RP1: variants seen among roughly 807,000 people sequenced by gnomAD.
The protein encoded by RP1 is oxygen-regulated protein 1.
RP1 carries 16 observed loss-of-function variants against 14.8 expected under a neutral mutation model. The observed-to-expected ratio is 1.08, with a 90% confidence interval of 0.73 to 1.65. The LOEUF is 1.65. Among genes scored for constraint, RP1 ranks in the 40% most tolerant of loss-of-function variants. RP1 has a pLI of 0.00. For synonymous variants in RP1, 876 were observed against 883.6 expected (o/e 0.99, Z 0.15); for missense variants, 2,631 against 2,535.0 (o/e 1.04, Z -0.81).
intron 17 of RP1, among the ~76,000 whole-genome samples, chr8:54,727,594 T>C (rs1458509105): frequency 6.6e-6 from 1 of 152,148 alleles, no homozygotes; most frequent in African/African-American, 2.4e-5. Flanking sequence ...GGATTTTTTT[T>C]ACTGAGGCTG....
intron 25 of RP1, among the ~76,000 whole-genome samples, chr8:54,852,384 T>A (rs540794110): frequency 3.1e-4 from 47 of 152,238 alleles, no homozygotes; most frequent in South Asian, 1.7e-3. Flanking sequence ...AATAGCTGAG[T>A]CTGTATGAAT....
exon 17 of RP1, chr8:54,726,448 T>G (rs887933528): frequency 2.0e-6 from 3 of 1,534,690 alleles, no homozygotes; most frequent in Middle Eastern, 1.7e-4. Context: ...AATCTGAGGC[T>G]AGGAGTCCCT....
chr8:54,610,893 C>T (rs921562119), intron 1 of RP1, among the ~76,000 whole-genome samples: 17 of 152,198 alleles, frequency 1.1e-4, no homozygotes, highest in African/African-American at 4.1e-4. Flanking sequence ...ACTTGAAGGA[C>T]TTCCTGTAAC....
At chr8:54,667,727 C>T (rs1211873062) in intron 7 of RP1, among the ~76,000 whole-genome samples, 1 of 152,022 alleles carries the variant, frequency 6.6e-6, no homozygotes, top group Non-Finnish European at 1.5e-5. Context: ...TTTGGTACGT[C>T]CATGGAAGAA....
chr8:54,742,409 G>A (rs1415755737), intron 19 of RP1, among the ~76,000 whole-genome samples: 1 of 152,116 alleles, frequency 6.6e-6, no homozygotes, highest in Non-Finnish European at 1.5e-5. Context: ...AAGTAATTGA[G>A]AAAAATGTTA....
intron 24 of RP1, among the ~76,000 whole-genome samples, chr8:54,802,089 C>T (rs1020171376): frequency 5.9e-5 from 9 of 152,174 alleles, no homozygotes; most frequent in Non-Finnish European, 1.3e-4. Flanking sequence ...TGTATAAAGG[C>T]TCAGTAACCC....
At chr8:54,731,174 A>G (rs775712166) in intron 17 of RP1, among the ~76,000 whole-genome samples, 3 of 152,202 alleles carry the variant, frequency 2.0e-5, no homozygotes, top group Non-Finnish European at 2.9e-5. Flanking sequence ...TTCTACAAGT[A>G]ATTTATTTTT....
At chr8:54,656,291 C>T (rs1196625557) in intron 6 of RP1, 2 of 1,414,080 alleles carry the variant, frequency 1.4e-6, no homozygotes, top group African/African-American at 2.9e-5. Context: ...AACCAATAAA[C>T]ACATGTTGAG....
intron 24 of RP1, among the ~76,000 whole-genome samples, chr8:54,793,727 A>G (rs1281526151): frequency 1.3e-5 from 2 of 151,976 alleles, no homozygotes; most frequent in African/African-American, 4.8e-5. Context: ...ATTATACTCA[A>G]TGGTGAAAAG....
chr8:54,577,566 CGT>C (rs34551886), intron 1 of RP1, among the ~76,000 whole-genome samples: 45,662 of 151,912 alleles, frequency 0.3, 8,225 homozygotes, highest in Non-Finnish European at 0.41. Flanking sequence ...CTTCTTAAGT[CGT>C]GTGTTATGAA....
intron 1 of RP1, among the ~76,000 whole-genome samples, chr8:54,580,441 G>C (rs1804761126): frequency 2.0e-5 from 3 of 150,202 alleles, no homozygotes; most frequent in Non-Finnish European, 4.4e-5. Context: ...AGAGTAGCTG[G>C]GACTACAGGC....
At chr8:54,867,433 G>T (rs1812483164) in intron 28 of RP1, among the ~76,000 whole-genome samples, 1 of 152,176 alleles carries the variant, frequency 6.6e-6, no homozygotes, top group South Asian at 2.1e-4. Flanking sequence ...ATAGGGAATA[G>T]AAGGGGCAAA....
intron 1 of RP1, among the ~76,000 whole-genome samples, chr8:54,573,546 C>T (rs1244031137): frequency 6.6e-6 from 1 of 152,044 alleles, no homozygotes; most frequent in Non-Finnish European, 1.5e-5. Flanking sequence ...TAGCTTTTCC[C>T]TCAAATATAA....
At chr8:54,774,163 T>A (rs536391055), downstream of RP1, among the ~76,000 whole-genome samples, 1 of 152,200 alleles carries the variant, frequency 6.6e-6, no homozygotes, top group East Asian at 1.9e-4. Context: ...CCTGTGGTGG[T>A]GTGGATAATG....
chr8:54,621,268 G>A lies in RP1; in HGVS notation c.302G>A (p.Gly101Asp), dbSNP rs200242872. The A allele has an allele frequency of 3.1e-6, 5 of 1,614,074 alleles. No individual in the cohort carries two copies. ...ACGCGCCTGGAGGAGCTGGAGGACGGCGAGTCCTACCTATGTTCCCACGGC... is the reference window on the plus strand; with the variant it reads ...ACGCGCCTGGAGGAGCTGGAGGACGACGAGTCCTACCTATGTTCCCACGGC... ...SITRLEELED[G>D]ESYLCSHGRK... Residue 101 changes from glycine to aspartate, a missense_variant, in exon 2 of 4, where the codon GGC becomes GAC. Physicochemically the swap from Gly to Asp is moderately conservative, Grantham distance 94 (BLOSUM62 -1). Transcript: ENST00000220676.
chr8:54,704,696 G>A (rs993279347), intron 14 of RP1, among the ~76,000 whole-genome samples: 16 of 152,176 alleles, frequency 1.1e-4, no homozygotes, highest in African/African-American at 3.6e-4. Flanking sequence ...AACAAGGTAT[G>A]TGTGTACTTA....
intron 16 of RP1, among the ~76,000 whole-genome samples, chr8:54,722,883 G>A (rs1275451282): frequency 6.6e-6 from 1 of 152,102 alleles, no homozygotes. Context: ...ATGTCTACAC[G>A]CTGCCTGGTC....
At position 54,582,921 on chromosome 8, in the gene RP1, G is replaced by A. The variant is rs572071700; in HGVS notation, c.-13+23601G>A. Among the ~76,000 whole-genome samples the A allele has an allele frequency of 2.0e-5, 3 of 152,300 alleles. No individual in the cohort carries two copies. In the South Asian group the frequency reaches 6.2e-4, roughly 32 times the overall value. On this transcript the variant is annotated intron_variant, in intron 1 of 22. Transcript: ENST00000636932. ...GGGGCTGAGAGGATGGGGTTTTCTA[G>A]ATAGGCAATCATGTCATCTGGAAAC... is the stretch of plus-strand genomic sequence containing the variant.
intron 1 of RP1, among the ~76,000 whole-genome samples, chr8:54,618,654 T>G (rs184176738): frequency 1.1e-4 from 16 of 152,270 alleles, no homozygotes; most frequent in Non-Finnish European, 1.5e-5. Flanking sequence ...CTTACTTATT[T>G]TTTATTTTAT....
Sources: allele counts gnomAD v4.1 joint callset (sites outside exome capture counted in the v4.1 genomes callset), GRCh38; gene constraint gnomAD v4.1.1; transcripts MANE v1.5; gene names NCBI Gene and HGNC (gene_info 2026-07-23, HGNC 2026-07-21).